SP110: variants seen among roughly 807,000 people sequenced by gnomAD.
SP110 encodes the protein interferon-induced protein 41, 30kD.
Under a neutral mutation model 92.7 loss-of-function variants are expected in SP110, and 62 were observed. The ratio of observed to expected loss-of-function variants is 0.67; its 90% confidence interval spans 0.55 to 0.83. The LOEUF is 0.83. Ranked by LOEUF, SP110 falls within the 40% of genes least tolerant of loss-of-function variation. SP110 has a pLI of 0.00. For synonymous variants in SP110, 273 were observed against 305.3 expected, an observed-to-expected ratio of 0.89 and a Z score of 1.10; for missense variants, 793 against 863.9, an observed-to-expected ratio of 0.92 and a Z score of 1.03.
intron 10 of SP110, among the ~76,000 whole-genome samples, chr2:230,186,463 A>G (rs546306624): frequency 8.5e-5 from 13 of 152,278 alleles, no homozygotes; most frequent in African/African-American, 2.2e-4. Flanking sequence ...TGAATGTTTA[A>G]TAGGCACTAA....
At chr2:230,209,445 T>C (rs1195845883) in intron 7 of SP110, among the ~76,000 whole-genome samples, 1 of 151,990 alleles carries the variant, frequency 6.6e-6, no homozygotes, top group African/African-American at 2.4e-5. Context: ...GATGAGTGAG[T>C]GAACATTTTA....
chr2:230,188,189 T>C (rs1459589441), intron 10 of SP110, among the ~76,000 whole-genome samples: 2 of 152,212 alleles, frequency 1.3e-5, no homozygotes, highest in African/African-American at 4.8e-5. Flanking sequence ...GTTCTCCCTG[T>C]AGAAATCTTT....
rs750596014 is a variant in SP110, at chr2:230,201,899, G to A, written c.1048+680C>T. ...GTTGAGTGTTGGTGTAGTATTAAAG[G>A]TGAATATCCACAGATATCTCAAAAG... On this transcript the variant is annotated intron_variant, in intron 9 of 18. Transcript: ENST00000258381. Among the ~76,000 whole-genome samples, 28 of 152,298 alleles carry A rather than the reference G, an allele frequency of 1.8e-4. No homozygotes were observed. The East Asian group carries it at 5.2e-3, about 28-fold the overall frequency.
intron 14 of SP110, among the ~76,000 whole-genome samples, chr2:230,176,877 C>A (rs998996234): frequency 6.6e-6 from 1 of 152,214 alleles, no homozygotes; most frequent in Non-Finnish European, 1.5e-5. Context: ...CTCCCTCCCC[C>A]AGTCAGTTTT....
intron 12 of SP110, 72 bp downstream of exon 12, chr2:230,183,500 C>G (rs574958053): frequency 2.1e-6 from 2 of 938,506 alleles, no homozygotes; most frequent in African/African-American, 3.2e-5. Flanking sequence ...AAGGAGAGGG[C>G]GGGTGGAGCT....
intron 10 of SP110, among the ~76,000 whole-genome samples, chr2:230,194,487 C>CAG (rs3086427): frequency 0.76 from 115,800 of 151,544 alleles, 44,359 homozygotes; most frequent in Admixed American, 0.83. Flanking sequence ...AAGAAAGGAA[C>CAG]AGAAAGGGAA....
At chr2:230,171,924 C>T in intron 16 of SP110, 142 bp downstream of exon 16, 4 of 846,276 alleles carry the variant, frequency 4.7e-6, no homozygotes, top group Admixed American at 1.8e-5. Flanking sequence ...TTTGTTTAGA[C>T]TCTGAGTTTG....
intron 8 of SP110, among the ~76,000 whole-genome samples, chr2:230,206,198 C>T (rs1559168969): frequency 6.6e-6 from 1 of 152,100 alleles, no homozygotes; most frequent in African/African-American, 2.4e-5. Flanking sequence ...TTTCCTTTTA[C>T]AGCTAGAGTT....
intron 12 of SP110, among the ~76,000 whole-genome samples, chr2:230,182,975 AC>A (rs1395246812): frequency 6.6e-6 from 1 of 152,120 alleles, no homozygotes; most frequent in Non-Finnish European, 1.5e-5. Context: ...CAGTCTGGGG[AC>A]CCCACCTTGG....
intron 14 of SP110, among the ~76,000 whole-genome samples, chr2:230,174,861 C>G (rs767090685): frequency 6.6e-6 from 1 of 152,238 alleles, no homozygotes; most frequent in South Asian, 2.1e-4. Flanking sequence ...GGGCAAGGCC[C>G]GCACTGGCTC....
At chr2:230,219,801 G>T in intron 1 of SP110, 73 bp downstream of exon 1, 1 of 474,766 alleles carries the variant, frequency 2.1e-6, no homozygotes, top group Non-Finnish European at 2.8e-6. Context: ...CCCTGCAGCT[G>T]CTGCCGCGAA....
At chr2:230,182,443 G>T (rs2042170080) in intron 12 of SP110, among the ~76,000 whole-genome samples, 1 of 150,928 alleles carries the variant, frequency 6.6e-6, no homozygotes, top group Non-Finnish European at 1.5e-5. Flanking sequence ...TCCTGCACAT[G>T]TATCCTGGAA....
At chr2:230,182,835 TG>T (rs1159058356) in intron 12 of SP110, among the ~76,000 whole-genome samples, 22 of 152,344 alleles carry the variant, frequency 1.4e-4, no homozygotes, top group African/African-American at 5.3e-4. Context: ...GACAGGGGCT[TG>T]ATCAGAATCA....
chr2:230,179,433 T>A (rs982487353), intron 12 of SP110, among the ~76,000 whole-genome samples: 1 of 129,002 alleles, frequency 7.8e-6, no homozygotes, highest in Non-Finnish European at 1.6e-5. Context: ...TAGACTCAAC[T>A]CAGTAAATAT....
intron 10 of SP110, among the ~76,000 whole-genome samples, chr2:230,193,591 CTT>C (rs1379985778): frequency 6.6e-6 from 1 of 152,194 alleles, no homozygotes; most frequent in Admixed American, 6.5e-5. Context: ...CTAAAAATGA[CTT>C]TATTTCTCCT....
intron 12 of SP110, among the ~76,000 whole-genome samples, chr2:230,178,999 G>T (rs1167250499): frequency 6.6e-6 from 1 of 152,150 alleles, no homozygotes; most frequent in Non-Finnish European, 1.5e-5. Context: ...AAATGAAGGG[G>T]CTGTCCATGT....
intron 10 of SP110, among the ~76,000 whole-genome samples, chr2:230,195,059 T>G (rs931057241): frequency 1.3e-5 from 2 of 152,042 alleles, no homozygotes; most frequent in African/African-American, 4.8e-5. Flanking sequence ...GGGCATTTTT[T>G]TTTTCTGTTT....
intron 17 of SP110, 30 bp downstream of exon 17, chr2:230,171,666 T>C: frequency 6.4e-7 from 1 of 1,566,902 alleles, no homozygotes; most frequent in Non-Finnish European, 8.8e-7. Context: ...AAATGCATTT[T>C]ATGCAAGAGA....
At chr2:230,208,626 G>C (rs1290331334) in intron 7 of SP110, among the ~76,000 whole-genome samples, 1 of 151,966 alleles carries the variant, frequency 6.6e-6, no homozygotes, top group Non-Finnish European at 1.5e-5. Context: ...GAGGTGAGGG[G>C]GTCAGAGGTT....
Sources: gnomAD v4.1 joint callset for allele counts (sites outside exome capture counted in the v4.1 genomes callset) on GRCh38, gnomAD v4.1.1 for gene constraint, MANE v1.5 for transcripts, NCBI Gene and HGNC (gene_info 2026-07-23, HGNC 2026-07-21) for gene names.